Variants in MYT1L observed in about 807,000 individuals in gnomAD.
MYT1L encodes myelin transcription factor 1 like, also known as myelin transcription factor 1-like protein.
MYT1L carries 12 observed loss-of-function variants against 126.7 expected under a neutral mutation model. The ratio of observed to expected loss-of-function variants is 0.09; its 90% CI spans 0.06 to 0.15. MYT1L has a LOEUF of 0.15. Among genes scored for constraint, MYT1L ranks in the 10% least tolerant of loss-of-function variants. The probability of loss-of-function intolerance (pLI) is 1.00; values close to 1 mark genes in which losing one functional copy is unlikely to be tolerated. For missense variants in MYT1L, 979 were observed against 1,585.2 expected, an observed-to-expected ratio of 0.62 and a Z score of 6.49; for synonymous variants, 541 against 604.2, an observed-to-expected ratio of 0.90 and a Z score of 1.53.
intron 1 of MYT1L, among the ~76,000 whole-genome samples, chr2:2,301,194 T>C (rs1402613421): frequency 1.3e-5 from 2 of 152,140 alleles, no homozygotes; most frequent in Non-Finnish European, 2.9e-5. Flanking sequence ...CAGCTCAGTG[T>C]TTCACCCTCC....
intron 2 of MYT1L, among the ~76,000 whole-genome samples, chr2:2,254,156 C>T (rs1294586931): frequency 6.6e-6 from 1 of 152,176 alleles, no homozygotes; most frequent in Non-Finnish European, 1.5e-5. Context: ...TGCAGATTTG[C>T]AACATATAAG....
intron 1 of MYT1L, among the ~76,000 whole-genome samples, chr2:2,316,324 G>A (rs946073376): frequency 5.3e-5 from 8 of 152,194 alleles, no homozygotes; most frequent in Non-Finnish European, 1.2e-4. Context: ...GTACCCACGA[G>A]TTCTTGCTTG....
At chr2:1,975,899 A>T in intron 8 of MYT1L, among the ~76,000 whole-genome samples, 1 of 152,154 alleles carries the variant, frequency 6.6e-6, no homozygotes, top group Non-Finnish European at 1.5e-5. Flanking sequence ...GCATCATTTT[A>T]TTACTTGGTA....
At chr2:1,970,912 C>A (rs1293466734) in intron 8 of MYT1L, among the ~76,000 whole-genome samples, 1 of 152,184 alleles carries the variant, frequency 6.6e-6, no homozygotes, top group African/African-American at 2.4e-5. Flanking sequence ...CTGGCCTTGA[C>A]CAATACAGGT....
At chr2:1,945,510 A>T (rs2057128113) in intron 8 of MYT1L, among the ~76,000 whole-genome samples, 1 of 152,152 alleles carries the variant, frequency 6.6e-6, no homozygotes, top group Non-Finnish European at 1.5e-5. Context: ...AGCAGGACAC[A>T]GTGTGTGTGG....
chr2:2,019,425 G>A (rs746910745), intron 4 of MYT1L, among the ~76,000 whole-genome samples: 14 of 152,114 alleles, frequency 9.2e-5, no homozygotes, highest in African/African-American at 2.9e-4. Context: ...CTCAGTCTTC[G>A]GTATGTCTTT....
At chr2:1,796,500 A>G (rs967745377) in intron 23 of MYT1L, among the ~76,000 whole-genome samples, 12 of 152,166 alleles carry the variant, frequency 7.9e-5, no homozygotes, top group African/African-American at 2.4e-4. Context: ...TGACCTGCCA[A>G]TCTTAGAAGT....
intron 4 of MYT1L, among the ~76,000 whole-genome samples, chr2:2,019,450 A>T (rs1394101866): frequency 1.3e-5 from 2 of 152,212 alleles, no homozygotes; most frequent in Non-Finnish European, 2.9e-5. Flanking sequence ...ACAGCATGAG[A>T]ACAGACTTAT....
intron 3 of MYT1L, among the ~76,000 whole-genome samples, chr2:2,158,409 T>C (rs1448994593): frequency 6.6e-6 from 1 of 152,222 alleles, no homozygotes; most frequent in Non-Finnish European, 1.5e-5. Flanking sequence ...TTCCAGGCTG[T>C]CATTCCTGGG....
intron 2 of MYT1L, among the ~76,000 whole-genome samples, chr2:2,270,485 G>A (rs2095241416): frequency 6.6e-6 from 1 of 152,170 alleles, no homozygotes; most frequent in African/African-American, 2.4e-5. Context: ...AAGAGGGACA[G>A]AAGGGAATGA....
At chr2:1,919,138 A>G (rs1201336668) in intron 10 of MYT1L, among the ~76,000 whole-genome samples, 1 of 152,170 alleles carries the variant, frequency 6.6e-6, no homozygotes, top group Non-Finnish European at 1.5e-5. Flanking sequence ...AAAATATATG[A>G]CTTCACAGAT....
intron 13 of MYT1L, among the ~76,000 whole-genome samples, chr2:1,907,486 C>T (rs552426659): frequency 7.9e-5 from 12 of 152,256 alleles, no homozygotes; most frequent in Non-Finnish European, 1.2e-4. Context: ...GCGGGGAAGG[C>T]CAAAGGCTGG....
chr2:2,265,212 T>G (rs936634486), intron 2 of MYT1L, among the ~76,000 whole-genome samples: 1 of 152,040 alleles, frequency 6.6e-6, no homozygotes, highest in Non-Finnish European at 1.5e-5. Context: ...GAGATGGGGT[T>G]GGCCAGGCTG....
At chr2:2,280,260 A>G (rs1343596568) in intron 2 of MYT1L, among the ~76,000 whole-genome samples, 1 of 152,138 alleles carries the variant, frequency 6.6e-6, no homozygotes, top group Non-Finnish European at 1.5e-5. Flanking sequence ...ACCACAAAAC[A>G]CTAGTTAGGC....
rs543185749 is a variant in MYT1L at position 1,904,896 on chromosome 2, C to T, written c.1818-1602G>A. On this transcript the variant is annotated intron_variant, in intron 13 of 24. Transcript: ENST00000647738. Reference sequence around the variant, plus strand: ...GCAAGCTCTGCCTCCCGGGTTTACACCATTCTCCTGCCTCAGCCTCTCGAG... The same window carrying T: ...GCAAGCTCTGCCTCCCGGGTTTACATCATTCTCCTGCCTCAGCCTCTCGAG... 6.6e-5 allele frequency among the ~76,000 whole-genome samples: 10 copies of T among 151,742 alleles called. No homozygotes were observed. The South Asian group carries it at 2.1e-3, about 32-fold the overall frequency.
At chr2:2,282,438 C>G (rs1038407319) in intron 2 of MYT1L, among the ~76,000 whole-genome samples, 1 of 152,084 alleles carries the variant, frequency 6.6e-6, no homozygotes, top group African/African-American at 2.4e-5. Flanking sequence ...AATGGCAGAC[C>G]GTTCAAACAC....
chr2:2,081,767 T>C (rs1238387826), intron 3 of MYT1L, among the ~76,000 whole-genome samples: 1 of 152,086 alleles, frequency 6.6e-6, no homozygotes, highest in East Asian at 1.9e-4. Flanking sequence ...AGAGATGGAG[T>C]CTCACTCTGT....
intron 19 of MYT1L, among the ~76,000 whole-genome samples, chr2:1,843,556 T>C (rs183090368): frequency 9.6e-4 from 146 of 151,862 alleles, no homozygotes; most frequent in African/African-American, 3.4e-3. Flanking sequence ...TACGGAGTCC[T>C]ACCCAGGGAG....
At chr2:1,969,097 G>A (rs779014766) in intron 8 of MYT1L, among the ~76,000 whole-genome samples, 23 of 152,200 alleles carry the variant, frequency 1.5e-4, no homozygotes, top group Admixed American at 8.5e-4. Flanking sequence ...ATCAGTCCAC[G>A]GTATGAACAG....
Sources: allele counts gnomAD v4.1 joint callset (sites outside exome capture counted in the v4.1 genomes callset), GRCh38; gene constraint gnomAD v4.1.1; transcripts MANE v1.5; gene names NCBI Gene and HGNC (gene_info 2026-07-23, HGNC 2026-07-21).